ZDHHC11B: variants seen among roughly 807,000 people sequenced by gnomAD.
ZDHHC11B encodes zDHHC palmitoyltransferase 11B (putative).
ZDHHC11B carries 17 observed loss-of-function variants against 42.3 expected under a neutral mutation model. The ratio of observed to expected loss-of-function variants is 0.40; its 90% confidence interval spans 0.27 to 0.60. The LOEUF is 0.60. ZDHHC11B is among the 20% of genes least tolerant of loss of function. The pLI, the probability that ZDHHC11B is intolerant of heterozygous loss-of-function variation, is 0.41. For missense variants in ZDHHC11B, 262 were observed against 463.2 expected (o/e 0.57, Z 3.99); for synonymous variants, 123 against 193.5 (o/e 0.64, Z 3.02).
intron 4 of ZDHHC11B, among the ~76,000 whole-genome samples, chr5:764,536 C>T (rs1308836487): frequency 6.6e-6 from 1 of 151,930 alleles, no homozygotes; most frequent in Non-Finnish European, 1.5e-5. Context: ...CGCCAGGTCC[C>T]CCAGGAGTGC....
chr5:719,468 G>C, intron 12 of ZDHHC11B, among the ~76,000 whole-genome samples: 1 of 151,554 alleles, frequency 6.6e-6, no homozygotes, highest in Non-Finnish European at 1.5e-5. Context: ...TAGTAGTAGA[G>C]ATAGAAATTA....
chr5:716,955 A>C, intron 12 of ZDHHC11B, 90 bp from the exon 13 acceptor site: 1 of 1,575,946 alleles, frequency 6.3e-7, no homozygotes, highest in South Asian at 1.1e-5. Flanking sequence ...TGTAAACAAG[A>C]GTACATTTTA....
intron 4 of ZDHHC11B, among the ~76,000 whole-genome samples, chr5:766,218 G>A (rs1181217384): frequency 2.0e-5 from 3 of 151,840 alleles, no homozygotes; most frequent in Non-Finnish European, 4.4e-5. Flanking sequence ...TGGGAGGTGA[G>A]AGCAGATGCA....
At chr5:742,914 A>G (rs2127047268) in intron 9 of ZDHHC11B, among the ~76,000 whole-genome samples, 1 of 149,496 alleles carries the variant, frequency 6.7e-6, no homozygotes, top group African/African-American at 2.4e-5. Context: ...GTCTCACTAA[A>G]GATCACAGAG....
At chr5:717,974 A>G (rs1239805117) in intron 12 of ZDHHC11B, among the ~76,000 whole-genome samples, 1 of 151,910 alleles carries the variant, frequency 6.6e-6, no homozygotes, top group Non-Finnish European at 1.5e-5. Context: ...GTAGACACAG[A>G]GAAGTGCAAG....
At chr5:768,015 C>T (rs778759416) in intron 2 of ZDHHC11B, among the ~76,000 whole-genome samples, 3 of 798 alleles carry the variant, frequency 3.8e-3, no homozygotes, top group Non-Finnish European at 0.01. Flanking sequence ...ACCATCAACA[C>T]GCCTCTGGAC....
intron 1 of ZDHHC11B, among the ~76,000 whole-genome samples, chr5:784,301 C>T (rs1220694793): frequency 6.6e-6 from 1 of 151,878 alleles, no homozygotes; most frequent in Non-Finnish European, 1.5e-5. Flanking sequence ...CGGTTCCAGC[C>T]CCGGGCTGGG....
intron 6 of ZDHHC11B, among the ~76,000 whole-genome samples, chr5:752,006 G>A (rs1163563596): frequency 4.9e-5 from 6 of 122,622 alleles, no homozygotes; most frequent in African/African-American, 1.6e-4. Flanking sequence ...CAGCTCTGGG[G>A]CCTCTGCCCG....
chr5:779,384 C>G (rs1736797549), intron 1 of ZDHHC11B, among the ~76,000 whole-genome samples: 1 of 150,138 alleles, frequency 6.7e-6, no homozygotes, highest in South Asian at 2.1e-4. Flanking sequence ...AGAGGCTCAG[C>G]ACCCCTCATG....
At chr5:719,112 C>T (rs1256788801) in intron 12 of ZDHHC11B, among the ~76,000 whole-genome samples, 3 of 151,808 alleles carry the variant, frequency 2.0e-5, no homozygotes, top group African/African-American at 7.3e-5. Context: ...ACAAGAAATA[C>T]ACATTTTGCA....
intron 1 of ZDHHC11B, among the ~76,000 whole-genome samples, chr5:773,317 A>T (rs574439137): frequency 6.6e-6 from 1 of 151,874 alleles, no homozygotes; most frequent in East Asian, 1.9e-4. Context: ...CTGGGTGCAG[A>T]CCCTCACACC....
intron 1 of ZDHHC11B, among the ~76,000 whole-genome samples, chr5:784,035 G>A (rs375967361): frequency 6.6e-6 from 1 of 151,510 alleles, no homozygotes; most frequent in East Asian, 1.9e-4. Flanking sequence ...AGGTGTCCCG[G>A]CAGCGCCTCT....
At chr5:783,867 A>C in intron 1 of ZDHHC11B, among the ~76,000 whole-genome samples, 1 of 98,612 alleles carries the variant, frequency 1.0e-5, no homozygotes. Flanking sequence ...CCCAAGCCCC[A>C]TCAAGACAGC....
chr5:746,551 G>T (rs536285294), intron 8 of ZDHHC11B, among the ~76,000 whole-genome samples: 3 of 141,496 alleles, frequency 2.1e-5, no homozygotes, highest in East Asian at 5.2e-4. Flanking sequence ...CGTTCCAAGT[G>T]CAGTGCCTGG....
At chr5:724,212 T>C (rs1266919014) in intron 12 of ZDHHC11B, among the ~76,000 whole-genome samples, 1 of 149,504 alleles carries the variant, frequency 6.7e-6, no homozygotes, top group East Asian at 2.0e-4. Context: ...TTTTTATTTA[T>C]TTATTTATTT....
chr5:733,836 G>C lies in ZDHHC11B; in HGVS notation c.939C>G (p.Val313=). ...AGALGSSAQG[V]KAKSSLLIYK... is the part of the protein sequence containing the mutation. Reference sequence around the variant, plus strand: ...AAATCAGCAGGGAGCTCTTGGCCTTGACTCTGGTGGGACAGGAAGGAGGAG... The same window carrying C: ...AAATCAGCAGGGAGCTCTTGGCCTTCACTCTGGTGGGACAGGAAGGAGGAG... The change falls in exon 11 of 14, where the codon GTC becomes GTG. Residue 313 remains valine, a synonymous_variant. Coordinates refer to ENST00000508859, the MANE Select transcript of ZDHHC11B (RefSeq NM_001351303.2). The C allele has an allele frequency of 6.2e-7, 1 of 1,606,466 alleles. No individual in the cohort carries two copies. Among genetic ancestry groups the C allele is most frequent in the South Asian group, 1.1e-5 (1 of 90,824 alleles).
At position 766,856 on chromosome 5, in the gene ZDHHC11B, G is replaced by T; in HGVS notation, c.64C>A (p.Leu22Met). 6.2e-7 allele frequency: 1 copy of T among 1,612,790 alleles called. No homozygotes were observed. Among genetic ancestry groups the T allele is most frequent in the Non-Finnish European group, 8.5e-7 (1 of 1,179,232 alleles). ...CTGGAGATGCGGGGCGGCAAGACCA[G>T]CTCTTCATTGTTGCGTATGGCTTCT... is the stretch of plus-strand genomic sequence containing the variant. ...TPEAIRNNEELVLPPRISRVN... is the reference protein window; with the variant it reads ...TPEAIRNNEEMVLPPRISRVN... The change falls in exon 4 of 14, where the codon CTG becomes ATG. Residue 22 changes from leucine to methionine, a missense_variant. Physicochemically the swap from Leu to Met is conservative, Grantham distance 15. This residue lies in a region of ZDHHC11B where 97 missense variants were observed against 98.1 expected (regional missense o/e 0.99). Transcript: ENST00000508859.
At chr5:777,059 G>C (rs564312440) in intron 1 of ZDHHC11B, among the ~76,000 whole-genome samples, 1 of 151,992 alleles carries the variant, frequency 6.6e-6, no homozygotes, top group South Asian at 2.1e-4. Flanking sequence ...TATTGGTCTC[G>C]CTGACGTCAG....
chr5:780,943 G>A (rs563750791), intron 1 of ZDHHC11B, among the ~76,000 whole-genome samples: 55 of 149,304 alleles, frequency 3.7e-4, no homozygotes, highest in African/African-American at 1.3e-3. Context: ...TTACCTGCGA[G>A]ATGCCATGGG....
Sources: gnomAD v4.1 joint callset for allele counts (sites outside exome capture counted in the v4.1 genomes callset) on GRCh38, gnomAD v4.1.1 for gene constraint, gnomAD v4.1.1 regional missense constraint, MANE v1.5 for transcripts, NCBI Gene and HGNC (gene_info 2026-07-23, HGNC 2026-07-21) for gene names.